The following TGS1 variants were observed in gnomAD, a reference collection of about 807,000 sequenced individuals.
TGS1 encodes trimethylguanosine synthase.
A neutral mutation model predicts 92.2 loss-of-function variants in TGS1; 69 were observed. That is an observed-to-expected ratio of 0.75 (90% CI 0.62 to 0.91). The LOEUF (loss-of-function observed/expected upper bound fraction) is 0.91, where lower values mean the gene tolerates loss of function less well. Ranked by LOEUF, TGS1 falls within the 40% of genes least tolerant of loss-of-function variation. The pLI is 0.00. For missense variants in TGS1, 1,062 were observed against 1,001.2 expected (o/e 1.06, Z -0.82); for synonymous variants, 345 against 338.1 (o/e 1.02, Z -0.22).
intron 10 of TGS1, among the ~76,000 whole-genome samples, chr8:55,807,127 A>G (rs1361035293): frequency 1.3e-5 from 2 of 151,964 alleles, no homozygotes; most frequent in Non-Finnish European, 2.9e-5. Flanking sequence ...ACAGGGTTTC[A>G]CCATGTTAGC....
In TGS1 at chr8:55,821,950, T is replaced by C. The variant is rs78868112; in HGVS notation, c.2440-2631T>C. ...TCAAGTAAACTTCAGAAATGGTTTT[T>C]CTTTTCTTTAAAATGCTCTTTTAGG... is the stretch of plus-strand genomic sequence containing the variant. On this transcript the variant is annotated intron_variant, in intron 12 of 12. Coordinates refer to ENST00000260129, the MANE Select transcript of TGS1 (RefSeq NM_024831.8). Among the ~76,000 whole-genome samples the C allele has an allele frequency of 8.6e-5, 13 of 151,132 alleles. No individual in the cohort carries two copies. In the East Asian group the frequency reaches 2.5e-3, roughly 29 times the overall value.
chr8:55,785,658 G>C (rs1242042314), intron 2 of TGS1, 61 bp from the exon 3 acceptor site: 1 of 1,268,918 alleles, frequency 7.9e-7, no homozygotes, highest in African/African-American at 1.5e-5. Flanking sequence ...TTTTAAATGA[G>C]AATAAGAAAA....
chr8:55,822,497 G>A (rs1803674540), intron 12 of TGS1, among the ~76,000 whole-genome samples: 1 of 151,010 alleles, frequency 6.6e-6, no homozygotes, highest in Admixed American at 6.6e-5. Flanking sequence ...AAATTATTGT[G>A]AAAAAATGAT....
intron 4 of TGS1, among the ~76,000 whole-genome samples, chr8:55,789,060 G>T (rs562124257): frequency 2.0e-5 from 3 of 152,262 alleles, no homozygotes; most frequent in East Asian, 1.9e-4. Flanking sequence ...GAATTTGAGG[G>T]TTTTAGATTT....
At chr8:55,796,916 T>C (rs1358315036) in intron 7 of TGS1, among the ~76,000 whole-genome samples, 1 of 151,874 alleles carries the variant, frequency 6.6e-6, no homozygotes, top group Non-Finnish European at 1.5e-5. Context: ...GCTTGAAATT[T>C]GGGAGTGGAG....
rs779162440 is a variant in TGS1 at position 55,792,742 on chromosome 8, A to T, written c.1325A>T (p.Asp442Val). 6.2e-7 allele frequency: 1 copy of T among 1,613,860 alleles called. No individual in the cohort carries two copies. The highest frequency in any genetic ancestry group is 1.7e-5 in the Admixed American group (1 of 60,006). Residue 442 changes from aspartate to valine, a missense_variant, in exon 6 of 13, where the codon GAC (aspartate) becomes GTC (valine). Transcript: ENST00000260129. ...IDENPASDFD[D>V]SGSLLGFKYG... ...GAAAACCCAGCTTCAGACTTTGATG[A>T]CAGTGGTTCCCTTCTAGGATTCAAG...
chr8:55,809,253 G>T (rs1803275123), intron 10 of TGS1, among the ~76,000 whole-genome samples: 1 of 152,156 alleles, frequency 6.6e-6, no homozygotes, highest in Non-Finnish European at 1.5e-5. Context: ...GTAAAGTTTT[G>T]CATATTGCTG....
At chr8:55,777,120 A>G (rs1292015864) in intron 1 of TGS1, among the ~76,000 whole-genome samples, 3 of 151,516 alleles carry the variant, frequency 2.0e-5, no homozygotes, top group East Asian at 1.9e-4. Flanking sequence ...CAATCCTCCT[A>G]CCTTAGCCTC....
chr8:55,786,349 A>G lies in TGS1; in HGVS notation c.451A>G (p.Ile151Val). 1 of 1,613,162 alleles carries G rather than the reference A, an allele frequency of 6.2e-7. No individual in the cohort carries two copies. Among genetic ancestry groups the G allele is most frequent in the South Asian group, 1.1e-5 (1 of 90,604 alleles). The change falls in exon 4 of 13, where the codon ATT becomes GTT. Residue 151 changes from isoleucine to valine, a missense_variant. By Grantham distance (29) the Ile-to-Val change is conservative. Transcript: ENST00000260129. ...GAGAAAAGAATATGAAGAAGACGACATTTTGGCTTCAGATGATCCATCTTC... is the reference window on the plus strand; with the variant it reads ...GAGAAAAGAATATGAAGAAGACGACGTTTTGGCTTCAGATGATCCATCTTC... ...SWRKEYEEDD[I>V]LASDDPSSIE... is the part of the protein sequence containing the mutation.
Position 55,799,126 on chromosome 8 carries a change from AAACTATGAAAGAG to A in TGS1, c.1757_1769del (p.Asn586ThrfsTer4), listed in dbSNP as rs1171685222. ...CTTCAGCTGGTGAACTTGAAACAGA[AAACTATGAAAGAG>A]ACAGCTTGCTAGCAACTGTTCCAGA... On this transcript the variant is annotated frameshift_variant, in exon 8 of 13. Coordinates refer to ENST00000260129, the MANE Select transcript of TGS1 (RefSeq NM_024831.8). LOFTEE classifies it high-confidence loss of function. 1 of 1,614,200 alleles carries A rather than the reference AAACTATGAAAGAG, an allele frequency of 6.2e-7. No individual in the cohort carries two copies. The highest frequency in any genetic ancestry group is 8.5e-7 in the Non-Finnish European group (1 of 1,180,032).
intron 1 of TGS1, among the ~76,000 whole-genome samples, chr8:55,779,429 C>T (rs1489222946): frequency 6.6e-6 from 1 of 152,216 alleles, no homozygotes; most frequent in African/African-American, 2.4e-5. Context: ...CTTTCTGCCT[C>T]TTTCTCAGGA....
Position 55,787,011 on chromosome 8 carries a change from T to A in TGS1, c.1113T>A (p.Asn371Lys). Reference protein sequence around the residue: ...GQSEPRNGGTNEESNSSGNTN... With the variant: ...GQSEPRNGGTKEESNSSGNTN... ...GTGAACCACGTAATGGAGGAACCAA[T>A]GAGGAAAGCAACTCATCGGGGAATA... is the stretch of plus-strand genomic sequence containing the variant. Residue 371 changes from asparagine to lysine, a missense_variant, in exon 4 of 13, where the codon AAT (asparagine) becomes AAA (lysine). By Grantham distance (94) the Asn-to-Lys change is moderately conservative. Transcript: ENST00000260129. The A allele has an allele frequency of 6.2e-7, 1 of 1,613,944 alleles. No individual in the cohort carries two copies. The highest frequency in any genetic ancestry group is 8.5e-7 in the Non-Finnish European group (1 of 1,179,972).
chr8:55,780,605 G>A (rs1585754238), intron 1 of TGS1, among the ~76,000 whole-genome samples: 1 of 152,134 alleles, frequency 6.6e-6, no homozygotes, highest in Admixed American at 6.6e-5. Context: ...TGTTATATCA[G>A]TATCCTGTTT....
intron 1 of TGS1, among the ~76,000 whole-genome samples, chr8:55,779,962 T>C (rs1182372193): frequency 2.6e-5 from 4 of 151,552 alleles, no homozygotes; most frequent in Non-Finnish European, 5.9e-5. Context: ...GTTCAAGCAG[T>C]TCTCATGCCT....
chr8:55,817,240 G>A (rs981701563), intron 12 of TGS1, among the ~76,000 whole-genome samples: 2 of 152,142 alleles, frequency 1.3e-5, no homozygotes, highest in Non-Finnish European at 2.9e-5. Context: ...TCTAGGAAGG[G>A]AAATGTTCCT....
chr8:55,782,847 C>T (rs764331238), intron 2 of TGS1, 35 bp downstream of exon 2: 6 of 1,363,360 alleles, frequency 4.4e-6, no homozygotes, highest in Non-Finnish European at 6.2e-6. Flanking sequence ...ACCTTTTTTG[C>T]TGAAATTAGC....
At position 55,824,071 on chromosome 8, in the gene TGS1, G is replaced by A. The variant is rs533225854; in HGVS notation, c.2440-510G>A. On this transcript the variant is annotated intron_variant, in intron 12 of 12. Coordinates refer to ENST00000260129, the MANE Select transcript of TGS1 (RefSeq NM_024831.8). ...GCGGAGGTTGCAGTGAGCCGAGATC[G>A]TGCCACTGAACTGCAGCCTGGGCGA... Among the ~76,000 whole-genome samples, 86 of 152,162 alleles carry A rather than the reference G, an allele frequency of 5.7e-4. 1 individual carries two copies. The Middle Eastern group carries it at 0.014, about 24-fold the overall frequency.
intron 10 of TGS1, among the ~76,000 whole-genome samples, chr8:55,805,593 T>A (rs900330833): frequency 3.3e-5 from 5 of 151,870 alleles, no homozygotes; most frequent in African/African-American, 4.8e-5. Context: ...CTAGAAAAAA[T>A]TTTAAAAATT....
At chr8:55,777,962 C>A (rs1395664565) in intron 1 of TGS1, among the ~76,000 whole-genome samples, 3 of 151,710 alleles carry the variant, frequency 2.0e-5, no homozygotes, top group Non-Finnish European at 4.4e-5. Flanking sequence ...TTGTTATCCT[C>A]ACTTATTCAA....
Sources: gnomAD v4.1 joint callset for allele counts (sites outside exome capture counted in the v4.1 genomes callset) on GRCh38, gnomAD v4.1.1 for gene constraint, MANE v1.5 for transcripts, NCBI Gene and HGNC (gene_info 2026-07-23, HGNC 2026-07-21) for gene names.